KANSL3: variants seen among roughly 807,000 people sequenced by gnomAD.
KANSL3 encodes the protein KAT8 regulatory NSL complex subunit 3.
Under a neutral mutation model 89.2 loss-of-function variants are expected in KANSL3, and 16 were observed. The observed-to-expected ratio is 0.18, with a 90% CI of 0.12 to 0.27. The LOEUF is 0.27. Among genes scored for constraint, KANSL3 ranks in the 10% least tolerant of loss-of-function variants. The pLI is 1.00. For missense variants in KANSL3, 879 were observed against 1,110.6 expected (o/e 0.79, Z 2.96); for synonymous variants, 385 against 419.7 (o/e 0.92, Z 1.01).
downstream of KANSL3, among the ~76,000 whole-genome samples, chr2:96,588,440 A>G (rs1459448818): frequency 6.6e-6 from 1 of 152,246 alleles, no homozygotes; most frequent in Non-Finnish European, 1.5e-5. Flanking sequence ...AGGAAAATTA[A>G]AAGAATGTGT....
chr2:96,637,223 T>C, intron 1 of KANSL3, 38 bp from the exon 2 acceptor site: 5 of 785,486 alleles, frequency 6.4e-6, no homozygotes, highest in Non-Finnish European at 1.0e-5. Context: ...AATTCCAATA[T>C]CCTAAATTTC....
At chr2:96,635,062 CAAGAT>C (rs2074056077) in intron 2 of KANSL3, among the ~76,000 whole-genome samples, 1 of 152,214 alleles carries the variant, frequency 6.6e-6, no homozygotes, top group South Asian at 2.1e-4. Flanking sequence ...CTGCCCTATA[CAAGAT>C]ATCACGATTT....
downstream of KANSL3, among the ~76,000 whole-genome samples, chr2:96,590,482 G>T (rs983195276): frequency 2.6e-5 from 4 of 151,968 alleles, no homozygotes; most frequent in South Asian, 2.1e-4. Context: ...TAGAGGCAGG[G>T]TCTATCTATG....
intron 2 of KANSL3, 143 bp downstream of exon 2, chr2:96,636,778 T>G: frequency 1.5e-6 from 1 of 680,824 alleles, no homozygotes; most frequent in East Asian, 2.9e-5. Flanking sequence ...CTGCTATCCT[T>G]ATGCTGCTTA....
intron 12 of KANSL3, 96 bp downstream of exon 12, chr2:96,609,403 C>T (rs2068515009): frequency 3.8e-6 from 4 of 1,062,552 alleles, no homozygotes; most frequent in Non-Finnish European, 4.4e-6. Context: ...CCAGTGGAGG[C>T]CTTAGAGCCA....
Position 96,595,497 on chromosome 2 carries a change from T to C in KANSL3, c.*114A>G, listed in dbSNP as rs2066451835. ...GTTGGCGGAGAGGCAAAAATGACTGTCTTAAACAGGTCTTCCGACACGTGG... is the reference window on the plus strand; with the variant it reads ...GTTGGCGGAGAGGCAAAAATGACTGCCTTAAACAGGTCTTCCGACACGTGG... On this transcript the variant is annotated 3_prime_UTR_variant, in exon 21 of 21. Transcript: ENST00000431828. 2 of 1,141,450 alleles carry C rather than the reference T, an allele frequency of 1.8e-6. No homozygotes were observed. The highest frequency in any genetic ancestry group is 2.5e-6 in the Non-Finnish European group (2 of 785,828). The allele number at this position is 1,141,450 out of a possible 1,614,324, so 70.7% of individuals were successfully genotyped here.
intron 6 of KANSL3, among the ~76,000 whole-genome samples, chr2:96,613,187 T>A (rs2069326741): frequency 6.6e-6 from 1 of 152,144 alleles, no homozygotes; most frequent in Non-Finnish European, 1.5e-5. Context: ...GAGACCAGCC[T>A]GGCCAACATG....
rs1485121488 is a variant in KANSL3, at chr2:96,612,827, G to C, written c.903C>G (p.Cys301Trp). The C allele has an allele frequency of 1.3e-6, 2 of 1,561,478 alleles. No individual in the cohort carries two copies. Among genetic ancestry groups the C allele is most frequent in the Non-Finnish European group, 8.7e-7 (1 of 1,152,652 alleles). ...RHRFWQSQLSCLGKVIPVATH... is the reference protein window; with the variant it reads ...RHRFWQSQLSWLGKVIPVATH... The stretch of plus-strand genomic sequence containing the variant: ...TTGCCCCCACACATACCTTGCCCAA[G>C]CAGGACAGCTGAGATTGCCAGAAGC... Residue 301 changes from cysteine to tryptophan, a missense_variant, in exon 7 of 21, where the codon TGC (cysteine) becomes TGG (tryptophan). Cys to Trp is a radical substitution (Grantham distance 215). Transcript: ENST00000431828.
At chr2:96,607,912 G>A (rs2068254474) in intron 14 of KANSL3, among the ~76,000 whole-genome samples, 2 of 152,086 alleles carry the variant, frequency 1.3e-5, no homozygotes, top group Admixed American at 6.5e-5. Context: ...GATCAATGTG[G>A]GGGAAGGGGG....
At chr2:96,610,309 CTTT>C in intron 11 of KANSL3, 1 of 151,728 alleles carries the variant, frequency 6.6e-6, no homozygotes, top group Non-Finnish European at 1.5e-5. Flanking sequence ...TTAATGCTGT[CTTT>C]TTTTAATTTT....
chr2:96,622,972 G>C (rs2071585597), intron 3 of KANSL3, among the ~76,000 whole-genome samples: 1 of 152,132 alleles, frequency 6.6e-6, no homozygotes, highest in African/African-American at 2.4e-5. Context: ...CTTACCCTAG[G>C]ATTCACTAAA....
At chr2:96,620,593 A>G (rs2071076605) in intron 3 of KANSL3, among the ~76,000 whole-genome samples, 2 of 152,086 alleles carry the variant, frequency 1.3e-5, no homozygotes, top group Admixed American at 6.6e-5. Context: ...ACTCCCAGCA[A>G]TCTTAATTAC....
intron 12 of KANSL3, 111 bp from the exon 13 acceptor site, chr2:96,609,175 G>T: frequency 1.0e-6 from 1 of 973,208 alleles, no homozygotes; most frequent in Non-Finnish European, 1.5e-6. Context: ...GCATCCGCAT[G>T]TGCCAGTCCT....
At chr2:96,591,886 A>G (rs140288356), downstream of KANSL3, among the ~76,000 whole-genome samples, 70 of 152,336 alleles carry the variant, frequency 4.6e-4, no homozygotes, top group African/African-American at 1.6e-3. Flanking sequence ...CTCCTTGTCT[A>G]TAAAAATGCC....
chr2:96,638,226 A>ACCACGGCCGCGATCC (rs2074545750), intron 1 of KANSL3, 57 bp downstream of exon 1: 1 of 151,446 alleles, frequency 6.6e-6, no homozygotes, highest in East Asian at 2.0e-4. Context: ...GGCCGTCCCA[A>ACCACGGCCGCGATCC]CCACGGCCGC....
At chr2:96,592,587 T>C (rs934360815), downstream of KANSL3, among the ~76,000 whole-genome samples, 4 of 152,172 alleles carry the variant, frequency 2.6e-5, no homozygotes, top group African/African-American at 9.7e-5. Context: ...CAGTCTCCCA[T>C]CTTAGAACCC....
intron 9 of KANSL3, among the ~76,000 whole-genome samples, chr2:96,611,753 A>C (rs2068994274): frequency 6.6e-6 from 1 of 152,208 alleles, no homozygotes; most frequent in African/African-American, 2.4e-5. Flanking sequence ...TGTCTTGGAA[A>C]AAGACTGAAA....
intron 20 of KANSL3, chr2:96,601,437 T>C (rs2067170213): frequency 7.4e-7 from 1 of 1,359,170 alleles, no homozygotes; most frequent in African/African-American, 1.5e-5. Context: ...CTTCACAATA[T>C]CAAGGGAGGG....
At chr2:96,609,371 T>C (rs963772016) in intron 12 of KANSL3, 128 bp downstream of exon 12, 6 of 798,206 alleles carry the variant, frequency 7.5e-6, no homozygotes, top group Non-Finnish European at 1.3e-5. Flanking sequence ...TCTTTGCTTA[T>C]GACTGAGACC....
Sources: allele counts gnomAD v4.1 joint callset (sites outside exome capture counted in the v4.1 genomes callset), GRCh38; gene constraint gnomAD v4.1.1; transcripts MANE v1.5; gene names NCBI Gene and HGNC (gene_info 2026-07-23, HGNC 2026-07-21).